Variants in PRICKLE2 observed in about 807,000 individuals in gnomAD.
PRICKLE2 encodes prickle-like protein 2.
PRICKLE2 carries 21 observed loss-of-function variants against 81.4 expected under a neutral mutation model. The observed-to-expected ratio is 0.26, with a 90% CI of 0.18 to 0.37. The LOEUF is 0.37. PRICKLE2 is among the 10% of genes least tolerant of loss of function. The pLI is 1.00. For missense variants in PRICKLE2, 940 were observed against 1,109.0 expected (o/e 0.85, Z 2.16); for synonymous variants, 456 against 421.5 (o/e 1.08, Z -1.00).
chr3:64,115,400 T>C (rs1367428475), intron 7 of PRICKLE2, among the ~76,000 whole-genome samples: 1 of 152,138 alleles, frequency 6.6e-6, no homozygotes, highest in African/African-American at 2.4e-5. Context: ...AAAGACACAG[T>C]GTGGCAAGCT....
At chr3:64,198,708 G>T in intron 2 of PRICKLE2, 76 bp downstream of exon 2, 1 of 1,457,670 alleles carries the variant, frequency 6.9e-7, no homozygotes, top group Non-Finnish European at 9.6e-7. Context: ...TCTTCCTACA[G>T]AACTGGAATG....
chr3:64,176,353 C>T (rs1240770966), intron 2 of PRICKLE2, among the ~76,000 whole-genome samples: 1 of 152,210 alleles, frequency 6.6e-6, no homozygotes, highest in African/African-American at 2.4e-5. Context: ...GAGTGTCCTA[C>T]ATGGTATCTT....
intron 7 of PRICKLE2, among the ~76,000 whole-genome samples, chr3:64,118,722 C>CA (rs35091419): frequency 0.022 from 3,385 of 151,446 alleles, 135 homozygotes; most frequent in African/African-American, 0.076. Flanking sequence ...CTTAAAAAGG[C>CA]AAAAAAAATA....
At chr3:64,152,337 G>T (rs562301197) in intron 6 of PRICKLE2, among the ~76,000 whole-genome samples, 2 of 152,076 alleles carry the variant, frequency 1.3e-5, no homozygotes, top group Admixed American at 6.6e-5. Flanking sequence ...TCCCTCCAAG[G>T]TTGGCTCCTT....
Position 64,225,278 on chromosome 3 carries a change from G to A in PRICKLE2, c.-409C>T. 1.0e-6 allele frequency: 1 copy of A among 985,440 alleles called. No individual in the cohort carries two copies. Among genetic ancestry groups the A allele is most frequent in the Non-Finnish European group, 1.2e-6 (1 of 829,996 alleles). 61.0% of individuals were successfully genotyped at this position (985,440 alleles called of 1,614,324 possible). On this transcript the variant is annotated 5_prime_UTR_variant, in exon 1 of 8. Transcript: ENST00000638394. ...TTTCCTCTTAACTCCCCTTCTTCAT[G>A]ACAATCTGAAGGAAGAAGTCATAGA... is the stretch of plus-strand genomic sequence containing the variant.
chr3:64,124,279 AAC>A (rs1297618399), intron 7 of PRICKLE2, among the ~76,000 whole-genome samples: 1 of 152,232 alleles, frequency 6.6e-6, no homozygotes, highest in Non-Finnish European at 1.5e-5. Context: ...GTTAGAAACT[AAC>A]AGAGGTTGGT....
chr3:64,238,860 A>G (rs1160369308), intron 2 of PRICKLE2, among the ~76,000 whole-genome samples: 1 of 152,130 alleles, frequency 6.6e-6, no homozygotes, highest in African/African-American at 2.4e-5. Context: ...CACACTATCA[A>G]TCTTGCTCTG....
At chr3:64,237,185 T>C (rs2079195141) in intron 2 of PRICKLE2, among the ~76,000 whole-genome samples, 1 of 152,176 alleles carries the variant, frequency 6.6e-6, no homozygotes, top group Non-Finnish European at 1.5e-5. Context: ...AGGGCGTATG[T>C]TACAATGTGC....
intron 2 of PRICKLE2, among the ~76,000 whole-genome samples, chr3:64,232,038 G>A (rs568189069): frequency 3.6e-4 from 55 of 152,326 alleles, no homozygotes; most frequent in African/African-American, 1.3e-3. Context: ...AACACAGAAG[G>A]TTCCCTGTGC....
intron 2 of PRICKLE2, among the ~76,000 whole-genome samples, chr3:64,172,990 C>T (rs945780305): frequency 3.3e-5 from 5 of 152,162 alleles, no homozygotes; most frequent in African/African-American, 1.2e-4. Flanking sequence ...GTTTAAGCCA[C>T]CCAGTCTGTG....
intron 7 of PRICKLE2, among the ~76,000 whole-genome samples, chr3:64,110,589 A>C (rs925061387): frequency 6.6e-6 from 1 of 152,190 alleles, no homozygotes; most frequent in Non-Finnish European, 1.5e-5. Context: ...TGAGTGCTGG[A>C]AAAGAACTCT....
chr3:64,199,102 C>T (rs971186194), intron 1 of PRICKLE2, 135 bp from the exon 2 acceptor site: 56 of 768,376 alleles, frequency 7.3e-5, no homozygotes, highest in South Asian at 4.2e-4. Context: ...AAAGGCATCG[C>T]GAGCAGTGTT....
At chr3:64,153,452 C>T in intron 5 of PRICKLE2, 84 bp from the exon 6 acceptor site, 5 of 1,328,956 alleles carry the variant, frequency 3.8e-6, no homozygotes, top group Non-Finnish European at 5.4e-6. Context: ...GGTCCTTGAA[C>T]TAGAAGGGTA....
intron 7 of PRICKLE2, among the ~76,000 whole-genome samples, chr3:64,115,075 C>G (rs774255760): frequency 6.6e-5 from 10 of 152,072 alleles, no homozygotes; most frequent in Non-Finnish European, 1.5e-4. Flanking sequence ...AAATTCCAAC[C>G]CAGAATTTCA....
chr3:64,153,608 T>A, intron 5 of PRICKLE2: 1 of 512,846 alleles, frequency 1.9e-6, no homozygotes, highest in African/African-American at 1.9e-5. Flanking sequence ...CTTAACCACA[T>A]TTAATAAGAG....
chr3:64,227,233 T>G (rs2079043886), upstream of PRICKLE2, among the ~76,000 whole-genome samples: 2 of 152,318 alleles, frequency 1.3e-5, no homozygotes, highest in Non-Finnish European at 1.5e-5. Flanking sequence ...GCCTTCAGTT[T>G]CCATCACACA....
At chr3:64,140,543 A>G (rs2107003191) in intron 7 of PRICKLE2, among the ~76,000 whole-genome samples, 1 of 152,282 alleles carries the variant, frequency 6.6e-6, no homozygotes, top group South Asian at 2.1e-4. Context: ...ACCAGCTCAC[A>G]GTCTCCAGTT....
intron 6 of PRICKLE2, among the ~76,000 whole-genome samples, chr3:64,151,292 T>C (rs1403595391): frequency 6.6e-6 from 1 of 152,208 alleles, no homozygotes; most frequent in Non-Finnish European, 1.5e-5. Context: ...GCATTTTAAC[T>C]ACAGCAGCAA....
rs1361033387 is a variant in PRICKLE2 at position 64,199,062 on chromosome 3, A to G, written c.-40-95T>C. 6 of 1,164,540 alleles carry G rather than the reference A, an allele frequency of 5.2e-6. No individual in the cohort carries two copies. In the African/African-American group the frequency reaches 9.1e-5, roughly 18 times the overall value. 72.1% of individuals were successfully genotyped at this position (1,164,540 alleles called of 1,614,324 possible). A position where few individuals can be genotyped will look rare whatever the true frequency, so the allele number is the denominator to read the frequency against. On this transcript the variant is annotated intron_variant, in intron 1 of 7. Coordinates refer to ENST00000638394, the MANE Select transcript of PRICKLE2 (RefSeq NM_198859.4). ...CACTAGCCCCTGGATCCCAAACCATAAACACATTCCTTGGCAATGGGCATC... is the reference window on the plus strand; with the variant it reads ...CACTAGCCCCTGGATCCCAAACCATGAACACATTCCTTGGCAATGGGCATC...
Sources: allele counts gnomAD v4.1 joint callset (sites outside exome capture counted in the v4.1 genomes callset), GRCh38; gene constraint gnomAD v4.1.1; transcripts MANE v1.5; gene names NCBI Gene and HGNC (gene_info 2026-07-23, HGNC 2026-07-21).